KCNIP4: variants seen among roughly 807,000 people sequenced by gnomAD.
The protein encoded by KCNIP4 is Kv channel-interacting protein 4.
Under a neutral mutation model 34.0 loss-of-function variants are expected in KCNIP4, and 12 were observed. The observed-to-expected ratio is 0.35, with a 90% CI of 0.23 to 0.57. The LOEUF (loss-of-function observed/expected upper bound fraction) is 0.57. Ranked by LOEUF, KCNIP4 falls within the 20% of genes least tolerant of loss-of-function variation. The pLI is 0.83. For missense variants in KCNIP4, 238 were observed against 311.7 expected (o/e 0.76, Z 1.78); for synonymous variants, 124 against 102.2 (o/e 1.21, Z -1.29).
chr4:21,703,066 A>T (rs565829357), intron 1 of KCNIP4, among the ~76,000 whole-genome samples: 12 of 152,030 alleles, frequency 7.9e-5, no homozygotes, highest in South Asian at 2.1e-4. Flanking sequence ...TTCATGATTA[A>T]AAAAAAATCC....
intron 3 of KCNIP4, among the ~76,000 whole-genome samples, chr4:20,786,368 G>T (rs1711990862): frequency 6.6e-6 from 1 of 152,116 alleles, no homozygotes; most frequent in Admixed American, 6.6e-5. Context: ...TAGGTGTTGG[G>T]ATCAATAGAA....
chr4:21,117,924 C>T (rs1244105793), intron 1 of KCNIP4, among the ~76,000 whole-genome samples: 1 of 152,042 alleles, frequency 6.6e-6, no homozygotes, highest in Non-Finnish European at 1.5e-5. Flanking sequence ...GAATAAAGAA[C>T]CTAGACAAAA....
At chr4:21,236,219 A>C (rs1348922040) in intron 1 of KCNIP4, among the ~76,000 whole-genome samples, 1 of 152,160 alleles carries the variant, frequency 6.6e-6, no homozygotes, top group Non-Finnish European at 1.5e-5. Flanking sequence ...CCTACTCCCT[A>C]AACTTTTTTC....
intron 1 of KCNIP4, among the ~76,000 whole-genome samples, chr4:21,897,499 G>C (rs1245627759): frequency 6.6e-6 from 1 of 152,134 alleles, no homozygotes; most frequent in African/African-American, 2.4e-5. Context: ...TCATAATTCA[G>C]TGTGATTTTA....
At chr4:21,777,682 C>T (rs1358835894) in intron 1 of KCNIP4, among the ~76,000 whole-genome samples, 1 of 152,190 alleles carries the variant, frequency 6.6e-6, no homozygotes, top group African/African-American at 2.4e-5. Context: ...ACCACTAGCA[C>T]ATGACTGATA....
At chr4:20,873,820 C>T (rs1723728304) in intron 2 of KCNIP4, among the ~76,000 whole-genome samples, 1 of 152,172 alleles carries the variant, frequency 6.6e-6, no homozygotes, top group Admixed American at 6.5e-5. Flanking sequence ...CAAAATCTGG[C>T]CCCAGATCAC....
At chr4:21,578,247 T>A (rs531473537) in intron 1 of KCNIP4, among the ~76,000 whole-genome samples, 19 of 143,406 alleles carry the variant, frequency 1.3e-4, no homozygotes, top group African/African-American at 4.2e-4. Context: ...GGCAGAGAAT[T>A]GCCTGAACCC....
chr4:21,059,360 C>T (rs973200519), intron 1 of KCNIP4, among the ~76,000 whole-genome samples: 2 of 152,156 alleles, frequency 1.3e-5, no homozygotes, highest in African/African-American at 4.8e-5. Flanking sequence ...TTAGCGCCAA[C>T]TATTCAAATT....
Position 21,241,494 on chromosome 4 carries a change from G to A in KCNIP4, c.62-358785C>T, listed in dbSNP as rs546371430. Among the ~76,000 whole-genome samples, 34 of 152,262 alleles carry A rather than the reference G, an allele frequency of 2.2e-4. 1 individual carries two copies. The highest frequency in any genetic ancestry group is 7.0e-4 in the African/African-American group (29 of 41,556). ...GGCTGAGTCACCAGGTAAGGAAGGT[G>A]TAGGCAAGAGATGGAAACATAGAAA... On this transcript the variant is annotated intron_variant, in intron 1 of 8. Transcript: ENST00000382152.
Position 21,500,318 on chromosome 4 carries a change from T to G in KCNIP4, c.61+448253A>C, listed in dbSNP as rs184989614. 3.6e-3 allele frequency among the ~76,000 whole-genome samples: 550 copies of G among 152,288 alleles called. 4 individuals carry two copies. Among genetic ancestry groups the G allele is most frequent in the Middle Eastern group, 0.014 (4 of 294 alleles). On this transcript the variant is annotated intron_variant, in intron 1 of 8. Transcript: ENST00000382152. ...TTATCACCTTAAAACTGGGTTTTTA[T>G]AGGTGAGAGAACTGATTTGGGAGTC...
chr4:20,814,424 C>T (rs1490706545), intron 3 of KCNIP4, among the ~76,000 whole-genome samples: 6 of 152,138 alleles, frequency 3.9e-5, no homozygotes, highest in Admixed American at 3.9e-4. Flanking sequence ...TGAAGCCAGC[C>T]TTCAGTTACC....
intron 1 of KCNIP4, among the ~76,000 whole-genome samples, chr4:21,643,715 C>A (rs540508548): frequency 6.6e-6 from 1 of 152,100 alleles, no homozygotes; most frequent in Admixed American, 6.6e-5. Flanking sequence ...AGAAACTCTG[C>A]AAGGAGACTG....
intron 5 of KCNIP4, among the ~76,000 whole-genome samples, chr4:20,746,395 A>G (rs1466797047): frequency 6.6e-6 from 1 of 152,032 alleles, no homozygotes; most frequent in East Asian, 1.9e-4. Flanking sequence ...TAGGGGAGGG[A>G]TAATATTAGC....
At chr4:21,792,531 G>A (rs11934767) in intron 1 of KCNIP4, among the ~76,000 whole-genome samples, 15,946 of 152,092 alleles carry the variant, frequency 0.1, 2,834 homozygotes, top group African/African-American at 0.36. Flanking sequence ...GTGTGAAAGT[G>A]GTCATGGATA....
intron 1 of KCNIP4, among the ~76,000 whole-genome samples, chr4:21,586,606 TTGA>T (rs1376007698): frequency 1.3e-5 from 2 of 152,080 alleles, no homozygotes; most frequent in African/African-American, 4.8e-5. Flanking sequence ...GATCTTCCCT[TTGA>T]TACTAATCAA....
At chr4:21,651,622 AG>A (rs1162840018) in intron 1 of KCNIP4, among the ~76,000 whole-genome samples, 1 of 152,214 alleles carries the variant, frequency 6.6e-6, no homozygotes, top group East Asian at 1.9e-4. Flanking sequence ...ATGACTCAAA[AG>A]GGCTTTACAT....
intron 1 of KCNIP4, among the ~76,000 whole-genome samples, chr4:21,181,528 C>T (rs549920672): frequency 1.1e-4 from 16 of 152,208 alleles, no homozygotes; most frequent in African/African-American, 3.9e-4. Context: ...ATCCATCCAT[C>T]CATCCAAACC....
intron 1 of KCNIP4, among the ~76,000 whole-genome samples, chr4:21,555,558 T>C (rs1738941658): frequency 6.6e-6 from 1 of 152,146 alleles, no homozygotes; most frequent in Non-Finnish European, 1.5e-5. Flanking sequence ...TGAAGCTGCA[T>C]TAAAGCATGA....
intron 1 of KCNIP4, among the ~76,000 whole-genome samples, chr4:21,475,417 C>T (rs1022038527): frequency 2.0e-5 from 3 of 152,180 alleles, no homozygotes; most frequent in East Asian, 3.9e-4. Context: ...AATGCCTTTA[C>T]CTACCTATGA....
Sources: allele counts gnomAD v4.1 joint callset (sites outside exome capture counted in the v4.1 genomes callset), GRCh38; gene constraint gnomAD v4.1.1; transcripts MANE v1.5; gene names NCBI Gene and HGNC (gene_info 2026-07-23, HGNC 2026-07-21).